ZNF106: variants seen among roughly 807,000 people sequenced by gnomAD.
The protein encoded by ZNF106 is SH3-domain binding protein 3.
ZNF106 carries 67 observed loss-of-function variants against 195.1 expected under a neutral mutation model. The ratio of observed to expected loss-of-function variants is 0.34; its 90% CI spans 0.28 to 0.42. The LOEUF is 0.42. Ranked by LOEUF, ZNF106 falls within the 10% of genes least tolerant of loss-of-function variation. The pLI is 1.00. For missense variants in ZNF106, 2,118 were observed against 2,304.5 expected (o/e 0.92, Z 1.66); for synonymous variants, 784 against 818.6 (o/e 0.96, Z 0.72).
chr15:42,457,214 C>G (rs1042133189), intron 3 of ZNF106, 56 bp from the exon 4 acceptor site: 1 of 1,612,802 alleles, frequency 6.2e-7, no homozygotes, highest in African/African-American at 1.3e-5. Context: ...ATGGCACACT[C>G]ACCAGATCTG....
chr15:42,468,343 T>G (rs1595487394), intron 2 of ZNF106, among the ~76,000 whole-genome samples: 1 of 151,372 alleles, frequency 6.6e-6, no homozygotes. Flanking sequence ...CTCCCAAAGT[T>G]CTGGGATTAC....
chr15:42,430,771 T>C (rs1342993142), intron 14 of ZNF106, among the ~76,000 whole-genome samples: 3 of 152,044 alleles, frequency 2.0e-5, no homozygotes, highest in Non-Finnish European at 4.4e-5. Flanking sequence ...CCTGGTTTTA[T>C]GTAAGACTAT....
chr15:42,435,779 A>C (rs2141303291), intron 13 of ZNF106, among the ~76,000 whole-genome samples: 1 of 152,296 alleles, frequency 6.6e-6, no homozygotes, highest in East Asian at 1.9e-4. Context: ...TAAGACAGCC[A>C]GAATTTTAAT....
intron 19 of ZNF106, among the ~76,000 whole-genome samples, 159 bp from the exon 20 acceptor site, chr15:42,421,291 T>C (rs2054648591): frequency 6.6e-6 from 1 of 152,160 alleles, no homozygotes; most frequent in Admixed American, 6.6e-5. Flanking sequence ...ATTTTCCAGA[T>C]CTTCTAGTCT....
intron 12 of ZNF106, 66 bp from the exon 13 acceptor site, chr15:42,437,443 A>G: frequency 6.3e-7 from 1 of 1,577,750 alleles, no homozygotes; most frequent in Non-Finnish European, 8.6e-7. Context: ...CAAAAATCAG[A>G]ACTATTATAC....
intron 4 of ZNF106, among the ~76,000 whole-genome samples, chr15:42,453,528 G>A (rs1567020276): frequency 6.6e-6 from 1 of 152,028 alleles, no homozygotes; most frequent in Non-Finnish European, 1.5e-5. Flanking sequence ...GTACCTGAGT[G>A]TCAGGCATTT....
Position 42,449,660 on chromosome 15 carries a change from T to C in ZNF106, c.2501+111A>G, listed in dbSNP as rs1164124373. The C allele has an allele frequency of 2.2e-6, 3 of 1,386,774 alleles. No homozygotes were observed. The East Asian group carries it at 6.9e-5, about 32-fold the overall frequency. The allele number at this position is 1,386,774 out of a possible 1,614,324, so 85.9% of individuals were successfully genotyped here. A position where few individuals can be genotyped will look rare whatever the true frequency, so the allele number is the denominator to read the frequency against. On this transcript the variant is annotated intron_variant, in intron 5 of 21. Transcript: ENST00000564754. ...TAAATCAAGACATCTACAACAGATATTGTTGGCAAACATTTAATTAAATGA... is the reference window on the plus strand; with the variant it reads ...TAAATCAAGACATCTACAACAGATACTGTTGGCAAACATTTAATTAAATGA...
At chr15:42,460,446 C>T (rs1403138416) in intron 3 of ZNF106, among the ~76,000 whole-genome samples, 1 of 152,210 alleles carries the variant, frequency 6.6e-6, no homozygotes, top group Non-Finnish European at 1.5e-5. Context: ...GGATTCTTAA[C>T]AGTGGAACAT....
At chr15:42,486,138 T>G (rs1188100958) in intron 1 of ZNF106, among the ~76,000 whole-genome samples, 1 of 152,032 alleles carries the variant, frequency 6.6e-6, no homozygotes. Context: ...TTTTGTATTT[T>G]TTAGTAGAGA....
intron 1 of ZNF106, among the ~76,000 whole-genome samples, chr15:42,486,889 G>A (rs868742554): frequency 1.3e-5 from 2 of 151,990 alleles, no homozygotes; most frequent in Non-Finnish European, 2.9e-5. Context: ...AGTGGCTCAC[G>A]CCTGTAATCC....
At chr15:42,446,039 C>A (rs971483201) in intron 7 of ZNF106, among the ~76,000 whole-genome samples, 3 of 152,160 alleles carry the variant, frequency 2.0e-5, no homozygotes, top group Non-Finnish European at 4.4e-5. Flanking sequence ...CATTTCATCC[C>A]ACTGAAAAGG....
chr15:42,481,755 C>T (rs535605471), intron 1 of ZNF106, among the ~76,000 whole-genome samples: 25 of 152,260 alleles, frequency 1.6e-4, no homozygotes, highest in African/African-American at 6.0e-4. Flanking sequence ...TCGCTTCTGA[C>T]CTCCACTGTT....
rs780964361 is a variant in ZNF106 at position 42,442,236 on chromosome 15, T to C, written c.3600A>G (p.Gln1200=). 4 of 1,614,158 alleles carry C rather than the reference T, an allele frequency of 2.5e-6. No homozygotes were observed. Among genetic ancestry groups the C allele is most frequent in the East Asian group, 2.2e-5 (1 of 44,884 alleles). The part of the protein sequence containing the change: ...VSPSPTGASL[Q]ITTSPTFQTH... ...TTTGGAAAGTAGGAGACGTGGTTAT[T>C]TGAAGAGAGGCTCCGGTGGGTGATG... Residue 1200 remains glutamine (Q), a synonymous_variant, in exon 10 of 22, where the codon CAA becomes CAG. Transcript: ENST00000564754.
chr15:42,472,780 C>T (rs778120048), intron 1 of ZNF106, among the ~76,000 whole-genome samples: 2 of 151,904 alleles, frequency 1.3e-5, no homozygotes, highest in African/African-American at 2.4e-5. Context: ...GGGAGGCCGA[C>T]GCGGGCAGAT....
intron 1 of ZNF106, among the ~76,000 whole-genome samples, chr15:42,489,194 A>ATT (rs201464614): frequency 1.2e-4 from 17 of 144,102 alleles, no homozygotes; most frequent in South Asian, 4.4e-4. Context: ...TTATTTTTTA[A>ATT]TTTTTTTTTT....
chr15:42,460,706 C>T (rs1001833371), intron 3 of ZNF106, among the ~76,000 whole-genome samples: 9 of 151,970 alleles, frequency 5.9e-5, no homozygotes, highest in African/African-American at 2.2e-4. Flanking sequence ...ACTAAAAATA[C>T]AAAATTAGCC....
chr15:42,432,766 C>A (rs1306152391), intron 14 of ZNF106, among the ~76,000 whole-genome samples: 2 of 151,562 alleles, frequency 1.3e-5, no homozygotes, highest in African/African-American at 2.4e-5. Context: ...TGCCTGTAAT[C>A]CCAATTTACT....
chr15:42,442,937 C>T (rs955304337), intron 9 of ZNF106, among the ~76,000 whole-genome samples: 2 of 152,058 alleles, frequency 1.3e-5, no homozygotes, highest in African/African-American at 4.8e-5. Flanking sequence ...GAGCACGCCA[C>T]CATGCCCAGC....
chr15:42,488,543 G>C (rs2057066363), intron 1 of ZNF106, among the ~76,000 whole-genome samples: 1 of 152,000 alleles, frequency 6.6e-6, no homozygotes, highest in Non-Finnish European at 1.5e-5. Context: ...GTCTGCCCAG[G>C]TGCTCTTATT....
Sources: allele counts gnomAD v4.1 joint callset (sites outside exome capture counted in the v4.1 genomes callset), GRCh38; gene constraint gnomAD v4.1.1; transcripts MANE v1.5; gene names NCBI Gene and HGNC (gene_info 2026-07-23, HGNC 2026-07-21).